The following MORC1 variants were observed in gnomAD, a reference collection of about 807,000 sequenced individuals.
MORC1 encodes MORC family CW-type zinc finger 1, also known as MORC family CW-type zinc finger protein 1.
A neutral mutation model predicts 134.9 loss-of-function variants in MORC1; 59 were observed. The observed-to-expected ratio is 0.44, with a 90% confidence interval of 0.35 to 0.54. The LOEUF is 0.54. Among genes scored for constraint, MORC1 ranks in the 20% least tolerant of loss-of-function variants. MORC1 has a pLI of 0.00. For missense variants in MORC1, 947 were observed against 1,134.5 expected (o/e 0.83, Z 2.37); for synonymous variants, 395 against 391.7 (o/e 1.01, Z -0.10).
In MORC1 at chr3:108,984,793, A is replaced by G. The variant is rs1947850199; in HGVS notation, c.2258-11T>C. 6.3e-7 allele frequency: 1 copy of G among 1,596,480 alleles called. No individual in the cohort carries two copies. Among genetic ancestry groups the G allele is most frequent in the African/African-American group, 1.3e-5 (1 of 74,184 alleles). On this transcript the variant is annotated splice_polypyrimidine_tract_variant and intron_variant, in intron 22 of 27. Transcript: ENST00000232603. ...ACAGCTCCTGTTTTTCTTCAAAAGA[A>G]CATAGACAAACAATCGCATTTGGAT...
intron 17 of MORC1, among the ~76,000 whole-genome samples, chr3:109,008,097 A>G (rs932516615): frequency 1.3e-5 from 2 of 152,158 alleles, no homozygotes; most frequent in African/African-American, 4.8e-5. Flanking sequence ...TCTTTAGTGT[A>G]TAAAGAGCTT....
intron 8 of MORC1, among the ~76,000 whole-genome samples, chr3:109,072,065 G>A (rs1463515132): frequency 1.3e-5 from 2 of 152,124 alleles, no homozygotes; most frequent in African/African-American, 4.8e-5. Flanking sequence ...TCTTATTTGT[G>A]ATGCTTTTAA....
chr3:109,056,770 A>G (rs1339327353), intron 13 of MORC1, among the ~76,000 whole-genome samples: 1 of 152,110 alleles, frequency 6.6e-6, no homozygotes, highest in East Asian at 1.9e-4. Flanking sequence ...GACCCATTCT[A>G]TTGGTCATGA....
In MORC1 at chr3:109,041,461, T is replaced by C. The variant is rs1177199172; in HGVS notation, c.1331-5993A>G. Among the ~76,000 whole-genome samples, 3 of 151,374 alleles carry C rather than the reference T, an allele frequency of 2.0e-5. No homozygotes were observed. The East Asian group carries it at 6.0e-4, about 30-fold the overall frequency. On this transcript the variant is annotated intron_variant, in intron 14 of 27. Transcript: ENST00000232603. ...GCACAGTGGCTCACACCTGTAATTC[T>C]AGCACTTTGGGAGGCCGAGGTGGGC... is the stretch of plus-strand genomic sequence containing the variant.
intron 14 of MORC1, among the ~76,000 whole-genome samples, chr3:109,044,944 C>CA (rs375280662): frequency 0.028 from 1,804 of 63,776 alleles, 36 homozygotes; most frequent in African/African-American, 0.064. Context: ...GACTCTGTCT[C>CA]AAAAAAAAAA....
rs568319145 is a variant in MORC1 at position 109,069,494 on chromosome 3, C to T, written c.815+138G>A. The T allele has an allele frequency of 4.6e-5, 38 of 819,254 alleles. No homozygotes were observed. The African/African-American group carries it at 5.6e-4, about 12-fold the overall frequency. 50.7% of individuals were successfully genotyped at this position (819,254 alleles called of 1,614,324 possible). A position where few individuals can be genotyped will look rare whatever the true frequency, so the allele number is the denominator to read the frequency against. On this transcript the variant is annotated intron_variant, in intron 9 of 27. Coordinates refer to ENST00000232603, the MANE Select transcript of MORC1 (RefSeq NM_014429.4). ...ATCCAATTACTCTTTAGCATCCCTT[C>T]CTGGATGTGGTTTAAATTTTGTTTA...
chr3:109,050,749 A>G (rs1357405454), intron 14 of MORC1, among the ~76,000 whole-genome samples: 7 of 152,108 alleles, frequency 4.6e-5, no homozygotes, highest in Non-Finnish European at 7.4e-5. Flanking sequence ...TTTTTTTAAT[A>G]GTGTTGTGCA....
At chr3:109,058,823 A>G (rs919642104) in intron 12 of MORC1, among the ~76,000 whole-genome samples, 4 of 24,102 alleles carry the variant, frequency 1.7e-4, no homozygotes, top group Non-Finnish European at 1.5e-3. Flanking sequence ...ATATTCTTCT[A>G]TTAAAAAAAA....
Position 108,991,812 on chromosome 3 carries a change from C to G in MORC1, c.2188-4863G>C, listed in dbSNP as rs144609646. ...AGATTCCCCATCAATGCTCTTCATTCTATTCACAGTACTGTTTTTGTTCCA... is the reference window on the plus strand; with the variant it reads ...AGATTCCCCATCAATGCTCTTCATTGTATTCACAGTACTGTTTTTGTTCCA... On this transcript the variant is annotated intron_variant, in intron 21 of 27. Transcript: ENST00000232603. Among the ~76,000 whole-genome samples the G allele has an allele frequency of 1.9e-3, 296 of 152,288 alleles. 1 individual carries two copies. The highest frequency in any genetic ancestry group is 3.0e-3 in the Non-Finnish European group (203 of 68,006).
At chr3:108,996,275 TGCGC>T (rs1553745284) in intron 21 of MORC1, among the ~76,000 whole-genome samples, 3 of 121,800 alleles carry the variant, frequency 2.5e-5, no homozygotes, top group Non-Finnish European at 5.7e-5. Flanking sequence ...TGCGCGTGCG[TGCGC>T]GCGCGCGCAC....
At chr3:108,997,581 T>C (rs1225258114) in intron 21 of MORC1, among the ~76,000 whole-genome samples, 1 of 151,828 alleles carries the variant, frequency 6.6e-6, no homozygotes, top group Non-Finnish European at 1.5e-5. Flanking sequence ...ATAAAAACAA[T>C]AAGAGCATTC....
chr3:109,095,082 A>C lies in MORC1; in HGVS notation c.424-14T>G. 3 of 1,561,834 alleles carry C rather than the reference A, an allele frequency of 1.9e-6. No individual in the cohort carries two copies. The highest frequency in any genetic ancestry group is 2.6e-6 in the Non-Finnish European group (3 of 1,162,712). ...TGGAACTACAACCTATTTAAAAAAAAACACATCAATTTACTATGAAATACA... is the reference window on the plus strand; with the variant it reads ...TGGAACTACAACCTATTTAAAAAAACACACATCAATTTACTATGAAATACA... On this transcript the variant is annotated splice_polypyrimidine_tract_variant and intron_variant, in intron 6 of 27. Coordinates refer to ENST00000232603, the MANE Select transcript of MORC1 (RefSeq NM_014429.4).
chr3:109,004,669 T>A, intron 20 of MORC1, 148 bp downstream of exon 20: 2 of 758,384 alleles, frequency 2.6e-6, no homozygotes, highest in Non-Finnish European at 4.3e-6. Context: ...TATCCCAGTT[T>A]TTTCAGAACC....
chr3:108,981,701 G>A (rs1252965477), intron 23 of MORC1, among the ~76,000 whole-genome samples: 3 of 152,184 alleles, frequency 2.0e-5, no homozygotes, highest in Non-Finnish European at 4.4e-5. Flanking sequence ...TTTAGTGTAA[G>A]TGGTCAGTAA....
chr3:109,092,294 C>T (rs34285404), intron 8 of MORC1, among the ~76,000 whole-genome samples: 11,268 of 151,964 alleles, frequency 0.074, 995 homozygotes, highest in African/African-American at 0.21. Context: ...TGTTGGAATA[C>T]GAGAAAAAAC....
In MORC1 at chr3:109,112,982, C is replaced by A. The variant is rs1023531262; in HGVS notation, c.119+1402G>T. Among the ~76,000 whole-genome samples, 9 of 152,340 alleles carry A rather than the reference C, an allele frequency of 5.9e-5. No homozygotes were observed. In the East Asian group the frequency reaches 1.7e-3, roughly 29 times the overall value. On this transcript the variant is annotated intron_variant, in intron 2 of 27. Transcript: ENST00000232603. ...TGTTTCTTTTATTCTACTTCTTCCA[C>A]ATTCTGATTTTACTTGTCCTCCTTT...
intron 20 of MORC1, among the ~76,000 whole-genome samples, 165 bp from the exon 21 acceptor site, chr3:109,000,823 A>G (rs1181603202): frequency 6.6e-6 from 1 of 152,192 alleles, no homozygotes; most frequent in African/African-American, 2.4e-5. Flanking sequence ...GCTTGATAAG[A>G]CTTAGAGCAT....
intron 8 of MORC1, among the ~76,000 whole-genome samples, chr3:109,080,921 T>C (rs1244164248): frequency 6.6e-6 from 1 of 152,112 alleles, no homozygotes; most frequent in Admixed American, 6.5e-5. Flanking sequence ...AAAAATTTAG[T>C]TTATAGTACT....
In MORC1 at chr3:109,040,403, A is replaced by AGAAGGAAGGAAGGAAG. The variant is rs34585181; in HGVS notation, c.1331-4951_1331-4936dup. Among the ~76,000 whole-genome samples, 20 of 13,566 alleles carry AGAAGGAAGGAAGGAAG rather than the reference A, an allele frequency of 1.5e-3. 1 individual carries two copies. Among genetic ancestry groups the AGAAGGAAGGAAGGAAG allele is most frequent in the Non-Finnish European group, 1.3e-3 (7 of 5,464 alleles). 8.9% of individuals were successfully genotyped at this position (13,566 alleles called of 152,430 possible). ...GAAAGAAAGAAAGAAAGAAAGAAAGAGAAGGAAGGAAGGAAGGAAGGAAGG... is the reference window on the plus strand; with the variant it reads ...GAAAGAAAGAAAGAAAGAAAGAAAGAGAAGGAAGGAAGGAAGGAAGGAAGGAAGGAAGGAAGGAAGG... On this transcript the variant is annotated intron_variant, in intron 14 of 27. Coordinates refer to ENST00000232603, the MANE Select transcript of MORC1 (RefSeq NM_014429.4).
Sources: gnomAD v4.1 joint callset for allele counts (sites outside exome capture counted in the v4.1 genomes callset) on GRCh38, gnomAD v4.1.1 for gene constraint, MANE v1.5 for transcripts, NCBI Gene and HGNC (gene_info 2026-07-23, HGNC 2026-07-21) for gene names.